The following CLPTM1L variants were observed in gnomAD, a reference collection of about 807,000 sequenced individuals.
The protein encoded by CLPTM1L is CLPTM1 like, also known as lipid scramblase CLPTM1L.
CLPTM1L carries 38 observed loss-of-function variants against 70.9 expected under a neutral mutation model. The ratio of observed to expected loss-of-function variants is 0.54; its 90% CI spans 0.41 to 0.70. The LOEUF (loss-of-function observed/expected upper bound fraction) is 0.70, where lower values mean the gene tolerates loss of function less well. CLPTM1L is among the 30% of genes least tolerant of loss of function. CLPTM1L has a pLI of 0.00. For missense variants in CLPTM1L, 652 were observed against 705.9 expected, an observed-to-expected ratio of 0.92 and a Z score of 0.87; for synonymous variants, 339 against 299.9, an observed-to-expected ratio of 1.13 and a Z score of -1.35.
At chr5:1,329,642 GGGCCTC>G (rs2111223886) in intron 9 of CLPTM1L, among the ~76,000 whole-genome samples, 2 of 125,082 alleles carry the variant, frequency 1.6e-5, no homozygotes, top group Non-Finnish European at 3.4e-5. Flanking sequence ...CTGGTGGACA[GGGCCTC>G]AGGACTCTCT....
At chr5:1,324,694 T>C in intron 11 of CLPTM1L, 69 bp downstream of exon 11, 2 of 1,410,108 alleles carry the variant, frequency 1.4e-6, no homozygotes, top group Non-Finnish European at 2.0e-6. Flanking sequence ...GCAATGACAG[T>C]AAAAGACCCG....
chr5:1,324,773 T>C lies in CLPTM1L; in HGVS notation c.1187A>G (p.Tyr396Cys), dbSNP rs1752412686. 1 of 1,614,052 alleles carries C rather than the reference T, an allele frequency of 6.2e-7. No individual in the cohort carries two copies. The change falls in exon 11 of 17, where the codon TAC (tyrosine) becomes TGC (cysteine). Residue 396 changes from tyrosine (Y) to cysteine (C), a missense_variant. Physicochemically the swap from Tyr to Cys is radical, Grantham distance 194 (BLOSUM62 -2). Coordinates refer to ENST00000320895, the MANE Select transcript of CLPTM1L (RefSeq NM_030782.5). ...TCACAAGTGACTTACCTGAGTATCGTACTCCTCGGTTTTCCTCTCAGATTC... is the reference window on the plus strand; with the variant it reads ...TCACAAGTGACTTACCTGAGTATCGCACTCCTCGGTTTTCCTCTCAGATTC... ...YSESERKTEE[Y>C]DTQAMKYLSY...
chr5:1,333,659 C>A (rs905685602), intron 7 of CLPTM1L, among the ~76,000 whole-genome samples: 1 of 90,100 alleles, frequency 1.1e-5, no homozygotes, highest in Non-Finnish European at 2.2e-5. Context: ...TGTATACACA[C>A]CGGCTGAGGA....
intron 2 of CLPTM1L, among the ~76,000 whole-genome samples, chr5:1,343,857 C>T (rs551140219): frequency 3.3e-5 from 5 of 152,374 alleles, no homozygotes; most frequent in African/African-American, 1.2e-4. Flanking sequence ...TAGGCCATGT[C>T]AGATGTAATT....
chr5:1,325,878 C>T (rs998490737), intron 9 of CLPTM1L, 62 bp from the exon 10 acceptor site: 23 of 1,432,926 alleles, frequency 1.6e-5, no homozygotes, highest in Middle Eastern at 3.5e-4. Flanking sequence ...CACGAATGAA[C>T]GACCCAGACA....
chr5:1,320,582 G>T, intron 16 of CLPTM1L, 34 bp downstream of exon 16: 1 of 1,249,970 alleles, frequency 8.0e-7, no homozygotes, highest in Non-Finnish European at 1.1e-6. Context: ...CCGCTGAGAC[G>T]GAGCAACGGC....
In CLPTM1L at chr5:1,344,925, G is replaced by A; in HGVS notation, c.-84C>T. ...CCCGGCGCCCAGCCCGCCGCTCCGG[G>A]CTCCGCCGCTCACTGGAGAGCCGCC... On this transcript the variant is annotated 5_prime_UTR_variant, in exon 1 of 17. Transcript: ENST00000320895. 1.2e-6 allele frequency: 1 copy of A among 808,154 alleles called. No homozygotes were observed. Among genetic ancestry groups the A allele is most frequent in the South Asian group, 5.3e-5 (1 of 18,806 alleles). 50.1% of individuals were successfully genotyped at this position (808,154 alleles called of 1,614,324 possible). A position where few individuals can be genotyped will look rare whatever the true frequency, so the allele number is the denominator to read the frequency against.
intron 7 of CLPTM1L, 23 bp from the exon 8 acceptor site, chr5:1,331,906 C>G (rs1561241709): frequency 6.3e-7 from 1 of 1,584,512 alleles, no homozygotes; most frequent in Non-Finnish European, 8.7e-7. Context: ...CACACGACAG[C>G]AACTCACATC....
At chr5:1,337,006 G>T (rs541483380) in intron 5 of CLPTM1L, among the ~76,000 whole-genome samples, 10 of 152,206 alleles carry the variant, frequency 6.6e-5, no homozygotes, top group Non-Finnish European at 1.5e-4. Context: ...CAAAAAAGGG[G>T]AAAGGGCCCG....
At chr5:1,334,050 C>A (rs867266952) in intron 7 of CLPTM1L, among the ~76,000 whole-genome samples, 1 of 152,146 alleles carries the variant, frequency 6.6e-6, no homozygotes, top group African/African-American at 2.4e-5. Context: ...CAGCCCAAGT[C>A]GCCAAGGCTG....
Position 1,344,793 on chromosome 5 carries a change from C to T in CLPTM1L, c.49G>A (p.Val17Met). 1.9e-6 allele frequency: 3 copies of T among 1,603,806 alleles called. No individual in the cohort carries two copies. Among genetic ancestry groups the T allele is most frequent in the Non-Finnish European group, 1.7e-6 (2 of 1,176,138 alleles). Residue 17 changes from valine to methionine, a missense_variant, in exon 1 of 17, where the codon GTG becomes ATG. Transcript: ENST00000320895. ...CAGCAGGTGTGCACCACGTAGACCACGAACACGCCCACCACCAAGCTGGTG... is the reference window on the plus strand; with the variant it reads ...CAGCAGGTGTGCACCACGTAGACCATGAACACGCCCACCACCAAGCTGGTG... Reference protein sequence around the residue: ...SFTSLVVGVFVVYVVHTCWVM... With the variant: ...SFTSLVVGVFMVYVVHTCWVM...
chr5:1,343,837 T>TA lies in CLPTM1L; in HGVS notation c.263+513dup, dbSNP rs1196587884. Among the ~76,000 whole-genome samples the TA allele has an allele frequency of 3.3e-5, 5 of 152,250 alleles. No individual in the cohort carries two copies. The South Asian group carries it at 1.0e-3, about 32-fold the overall frequency. ...ATATTTAAAAGTATACTTATTCAAT[T>TA]AAAAAAAATTAGGCCATGTCAGATG... On this transcript the variant is annotated intron_variant, in intron 2 of 16. Coordinates refer to ENST00000320895, the MANE Select transcript of CLPTM1L (RefSeq NM_030782.5).
At chr5:1,319,207 G>T (rs548624941) in intron 16 of CLPTM1L, among the ~76,000 whole-genome samples, 1 of 152,190 alleles carries the variant, frequency 6.6e-6, no homozygotes, top group Non-Finnish European at 1.5e-5. Context: ...CTCTGCAGGG[G>T]GCAGGCGGCC....
Position 1,331,719 on chromosome 5 carries a change from G to A in CLPTM1L, c.976+80C>T, listed in dbSNP as rs2306194. On this transcript the variant is annotated intron_variant, in intron 8 of 16. Transcript: ENST00000320895. ...GGGCTGTGTCTGCAGCCAGCAGTGAGGCAGGCAGCCCTCTACCGCAGGCTC... is the reference window on the plus strand; with the variant it reads ...GGGCTGTGTCTGCAGCCAGCAGTGAAGCAGGCAGCCCTCTACCGCAGGCTC... 285 of 1,218,000 alleles carry A rather than the reference G, an allele frequency of 2.3e-4. 2 individuals carry two copies. The East Asian group carries it at 6.6e-3, about 28-fold the overall frequency. 75.4% of individuals were successfully genotyped at this position (1,218,000 alleles called of 1,614,324 possible).
intron 15 of CLPTM1L, among the ~76,000 whole-genome samples, chr5:1,321,145 G>C (rs1234277282): frequency 1.3e-5 from 2 of 152,234 alleles, no homozygotes; most frequent in African/African-American, 4.8e-5. Flanking sequence ...CTGGGAGCTT[G>C]TAATTGACTT....
chr5:1,324,751 C>T lies in CLPTM1L; in HGVS notation c.1197+12G>A. The stretch of plus-strand genomic sequence containing the variant: ...CCTGGCATGCACGTGCCCTGAATCA[C>T]AAGTGACTTACCTGAGTATCGTACT... On this transcript the variant is annotated intron_variant, in intron 11 of 16. Coordinates refer to ENST00000320895, the MANE Select transcript of CLPTM1L (RefSeq NM_030782.5). 3.1e-6 allele frequency: 5 copies of T among 1,613,652 alleles called. No individual in the cohort carries two copies. Among genetic ancestry groups the T allele is most frequent in the Non-Finnish European group, 4.2e-6 (5 of 1,179,518 alleles).
chr5:1,325,409 G>A (rs62329694), intron 10 of CLPTM1L: 15,634 of 379,194 alleles, frequency 0.041, 447 homozygotes, highest in Non-Finnish European at 0.055. Flanking sequence ...TGCCAGGACT[G>A]TACGGACCCC....
At chr5:1,331,650 G>A (rs911538457) in intron 8 of CLPTM1L, 149 bp downstream of exon 8, 3 of 671,230 alleles carry the variant, frequency 4.5e-6, no homozygotes, top group East Asian at 2.6e-5. Flanking sequence ...TGGGCTTTAC[G>A]GTGCCTGGTC....
chr5:1,326,656 A>T (rs1468517941), intron 9 of CLPTM1L, among the ~76,000 whole-genome samples: 1 of 151,696 alleles, frequency 6.6e-6, no homozygotes, highest in Non-Finnish European at 1.5e-5. Flanking sequence ...CATTTCATCC[A>T]GCTCCTCCTC....
Sources: gnomAD v4.1 joint callset for allele counts (sites outside exome capture counted in the v4.1 genomes callset) on GRCh38, gnomAD v4.1.1 for gene constraint, MANE v1.5 for transcripts, NCBI Gene and HGNC (gene_info 2026-07-23, HGNC 2026-07-21) for gene names.